PARD3B: variants seen among roughly 807,000 people sequenced by gnomAD.
The protein encoded by PARD3B is partitioning defective 3 homolog B.
Under a neutral mutation model 130.2 loss-of-function variants are expected in PARD3B, and 103 were observed. The observed-to-expected ratio is 0.79, with a 90% CI of 0.67 to 0.93. The LOEUF (loss-of-function observed/expected upper bound fraction) is 0.93, where lower values mean the gene tolerates loss of function less well. Among genes scored for constraint, PARD3B ranks in the 40% least tolerant of loss-of-function variants. The pLI, the probability that PARD3B is intolerant of heterozygous loss-of-function variation, is 0.00. For synonymous variants in PARD3B, 583 were observed against 553.2 expected (o/e 1.05, Z -0.76); for missense variants, 1,609 against 1,499.2 (o/e 1.07, Z -1.21).
At position 205,473,398 on chromosome 2, in the gene PARD3B, T is replaced by G. The variant is rs546792312; in HGVS notation, c.3045-26498T>G. Among the ~76,000 whole-genome samples, 11 of 152,152 alleles carry G rather than the reference T, an allele frequency of 7.2e-5. No homozygotes were observed. Among genetic ancestry groups the G allele is most frequent in the African/African-American group, 2.4e-4 (10 of 41,540 alleles). ...AAAGTAATGAGATTCTGTGTTATGG[T>G]AGCTGTCACATCTTGTCTCAGCCCA... On this transcript the variant is annotated intron_variant, in intron 20 of 22. Transcript: ENST00000406610. The surrounding 1 kb of genome is among the most constrained non-coding windows in gnomAD (Gnocchi z 4.9).
At chr2:204,796,768 G>A (rs973499120) in intron 2 of PARD3B, among the ~76,000 whole-genome samples, 1 of 152,154 alleles carries the variant, frequency 6.6e-6, no homozygotes, top group Non-Finnish European at 1.5e-5. Flanking sequence ...TACGTCGTTG[G>A]TTTTCAGTTT....
At chr2:205,408,156 G>A (rs558115053) in intron 19 of PARD3B, among the ~76,000 whole-genome samples, 1 of 152,294 alleles carries the variant, frequency 6.6e-6, no homozygotes, top group Non-Finnish European at 1.5e-5. Flanking sequence ...AGCCTTCCAA[G>A]AACTGCAGAC....
chr2:205,070,163 G>T (rs1032611135), intron 4 of PARD3B, among the ~76,000 whole-genome samples: 1 of 152,034 alleles, frequency 6.6e-6, no homozygotes, highest in Non-Finnish European at 1.5e-5. Context: ...TTAGTGAGTG[G>T]TCTGCAAAAG....
chr2:205,416,931 C>A (rs2046795125), intron 19 of PARD3B, among the ~76,000 whole-genome samples: 1 of 151,994 alleles, frequency 6.6e-6, no homozygotes, highest in Non-Finnish European at 1.5e-5. Flanking sequence ...CTTTTCTTTT[C>A]TTTTCTTTTT....
chr2:204,899,256 C>CCCTTCCTTCCTTCCTTCCTT (rs147570066), intron 2 of PARD3B, among the ~76,000 whole-genome samples: 51 of 128,284 alleles, frequency 4.0e-4, no homozygotes, highest in African/African-American at 1.6e-3. Flanking sequence ...CTCCCTCCCT[C>CCCTTCCTTCCTTCCTTCCTT]CCTTCCTTCC....
At chr2:204,995,036 C>G (rs1337160731) in intron 3 of PARD3B, among the ~76,000 whole-genome samples, 1 of 151,102 alleles carries the variant, frequency 6.6e-6, no homozygotes, top group East Asian at 2.0e-4. Context: ...CTTTATCCAA[C>G]TTGCCAGTCT....
At chr2:205,038,966 C>T (rs1698197866) in intron 3 of PARD3B, among the ~76,000 whole-genome samples, 1 of 152,130 alleles carries the variant, frequency 6.6e-6, no homozygotes, top group Non-Finnish European at 1.5e-5. Flanking sequence ...CTAGCTGCTG[C>T]ATTCATCACA....
Position 205,125,786 on chromosome 2 carries a change from A to G in PARD3B, c.1434+49A>G, listed in dbSNP as rs771865497. On this transcript the variant is annotated intron_variant, in intron 10 of 22. Transcript: ENST00000406610. This position sits in a 1 kb window ranked among gnomAD's most constrained non-coding sequence, Gnocchi z 4.0. The stretch of plus-strand genomic sequence containing the variant: ...CTGAATTTTTAATGCCGAGCTTAAT[A>G]CACTCAATGAACTCATTATAGCTGA... 13 of 1,604,244 alleles carry G rather than the reference A, an allele frequency of 8.1e-6. No individual in the cohort carries two copies. In the South Asian group the frequency reaches 1.1e-4, roughly 14 times the overall value.
chr2:204,828,266 T>C (rs560178803), intron 2 of PARD3B, among the ~76,000 whole-genome samples: 2 of 152,292 alleles, frequency 1.3e-5, no homozygotes, highest in South Asian at 4.1e-4. Context: ...TATTTCATTT[T>C]CTTCCCTTTC....
At position 205,121,595 on chromosome 2, in the gene PARD3B, C is replaced by G; in HGVS notation, c.811C>G (p.Gln271Glu). The G allele has an allele frequency of 6.2e-7, 1 of 1,611,990 alleles. No individual in the cohort carries two copies. Among genetic ancestry groups the G allele is most frequent in the Non-Finnish European group, 8.5e-7 (1 of 1,178,264 alleles). ...ATTTATCAACTTTCTTTCCAGGGCTCAAGATGTCTTCCGCCAGGCAATGAA... is the reference window on the plus strand; with the variant it reads ...ATTTATCAACTTTCTTTCCAGGGCTGAAGATGTCTTCCGCCAGGCAATGAA... ...DLVDKTFAQA[Q>E]DVFRQAMKSP... is the part of the protein sequence containing the mutation. Residue 271 changes from glutamine to glutamate, a missense_variant, in exon 8 of 23, where the codon CAA (glutamine) becomes GAA (glutamate). Gln to Glu is a conservative substitution (Grantham distance 29). Coordinates refer to ENST00000406610, the MANE Select transcript of PARD3B (RefSeq NM_001302769.2). The surrounding 1 kb of genome is among the most constrained non-coding windows in gnomAD (Gnocchi z 5.0).
intron 2 of PARD3B, among the ~76,000 whole-genome samples, chr2:204,817,985 A>T (rs1334370430): frequency 6.6e-6 from 1 of 152,118 alleles, no homozygotes; most frequent in African/African-American, 2.4e-5. Context: ...AGGAAAGTTT[A>T]CTTGGAGTAT....
intron 2 of PARD3B, among the ~76,000 whole-genome samples, chr2:204,840,867 A>G (rs1169196217): frequency 1.3e-5 from 2 of 152,190 alleles, no homozygotes; most frequent in African/African-American, 4.8e-5. Context: ...TTAGTCTCTT[A>G]TTCTGCCTAA....
At chr2:204,781,187 G>T (rs1465016485) in intron 2 of PARD3B, among the ~76,000 whole-genome samples, 1 of 151,984 alleles carries the variant, frequency 6.6e-6, no homozygotes, top group Admixed American at 6.6e-5. Context: ...CTCTTTTTGT[G>T]CATGTTTGCT....
chr2:204,975,075 C>T (rs1159917797), intron 3 of PARD3B, among the ~76,000 whole-genome samples: 1 of 152,026 alleles, frequency 6.6e-6, no homozygotes, highest in African/African-American at 2.4e-5. Context: ...ATGGGGTACA[C>T]AGTTATCAAA....
chr2:205,124,331 TG>T lies in PARD3B; in HGVS notation c.1171del (p.Glu391LysfsTer22). The part of the protein sequence containing the change: ...KIKIDLKKGP[E>X]GLGFTVVTRD... ...TTTCCTGTTCTTATACACTAGGCCC[TG>T]AAGGACTTGGTTTCACTGTGGTTAC... On this transcript the variant is annotated frameshift_variant, in exon 9 of 23. Coordinates refer to ENST00000406610, the MANE Select transcript of PARD3B (RefSeq NM_001302769.2). LOFTEE classifies it high-confidence loss of function. 6.4e-7 allele frequency: 1 copy of T among 1,561,744 alleles called. No individual in the cohort carries two copies. The highest frequency in any genetic ancestry group is 1.2e-5 in the South Asian group (1 of 80,066).
intron 1 of PARD3B, among the ~76,000 whole-genome samples, chr2:204,618,484 A>T (rs887951276): frequency 6.6e-6 from 1 of 152,194 alleles, no homozygotes; most frequent in Admixed American, 6.6e-5. Context: ...GAACACTGTG[A>T]TCACACTCTT....
rs550121918 is a variant in PARD3B at position 204,984,540 on chromosome 2, T to A, written c.394+19217T>A. ...AATATGAATAACATTAATATTAAAA[T>A]AAATGTATGTGTATTCCTTTGTATT... On this transcript the variant is annotated intron_variant, in intron 3 of 22. Coordinates refer to ENST00000406610, the MANE Select transcript of PARD3B (RefSeq NM_001302769.2). 3.3e-5 allele frequency among the ~76,000 whole-genome samples: 5 copies of A among 152,238 alleles called. No individual in the cohort carries two copies. In the South Asian group the frequency reaches 1.0e-3, roughly 32 times the overall value.
At chr2:205,598,462 C>G (rs971178176) in intron 22 of PARD3B, among the ~76,000 whole-genome samples, 4 of 152,026 alleles carry the variant, frequency 2.6e-5, no homozygotes, top group Admixed American at 2.0e-4. Flanking sequence ...CACTCAGATT[C>G]ATAAAAATAA....
intron 2 of PARD3B, among the ~76,000 whole-genome samples, chr2:204,826,789 G>A (rs1332271612): frequency 6.6e-6 from 1 of 152,140 alleles, no homozygotes; most frequent in Non-Finnish European, 1.5e-5. Context: ...GGAGGCTGAG[G>A]TGGGAGGATG....
Sources: gnomAD v4.1 joint callset for allele counts (sites outside exome capture counted in the v4.1 genomes callset) on GRCh38, gnomAD v4.1.1 for gene constraint, Gnocchi (gnomAD v3.1) non-coding constraint, MANE v1.5 for transcripts, NCBI Gene and HGNC (gene_info 2026-07-23, HGNC 2026-07-21) for gene names.